The following PNPLA1 variants were observed in gnomAD, a reference collection of about 807,000 sequenced individuals.
PNPLA1 encodes patatin like domain 1, omega-hydroxyceramide transacylase.
Under a neutral mutation model 51.7 loss-of-function variants are expected in PNPLA1, and 36 were observed. That is an observed-to-expected ratio of 0.70 (90% CI 0.53 to 0.92). PNPLA1 has a LOEUF of 0.92. Among genes scored for constraint, PNPLA1 ranks in the 40% least tolerant of loss-of-function variants. PNPLA1 has a pLI of 0.00. For synonymous variants in PNPLA1, 293 were observed against 280.1 expected (o/e 1.05, Z -0.46); for missense variants, 658 against 682.5 (o/e 0.96, Z 0.40).
At chr6:36,256,866 T>C (rs1769545156) in intron 1 of PNPLA1, among the ~76,000 whole-genome samples, 1 of 152,104 alleles carries the variant, frequency 6.6e-6, no homozygotes, top group Non-Finnish European at 1.5e-5. Flanking sequence ...CCCACAAAGC[T>C]TGAAACTCAA....
chr6:36,245,455 T>G (rs1034219172), intron 1 of PNPLA1, among the ~76,000 whole-genome samples: 1 of 152,246 alleles, frequency 6.6e-6, no homozygotes, highest in African/African-American at 2.4e-5. Context: ...GCTAGCTAGG[T>G]GCCTGGAACT....
chr6:36,243,306 G>A (rs1472026062), intron 1 of PNPLA1: 1 of 152,260 alleles, frequency 6.6e-6, no homozygotes, highest in Non-Finnish European at 1.5e-5. Flanking sequence ...TGAATGCATG[G>A]TGGGGGGTGG....
At chr6:36,282,229 GGAAGGAAAGAAAGAAA>G (rs1393793055) in intron 1 of PNPLA1, among the ~76,000 whole-genome samples, 1 of 139,692 alleles carries the variant, frequency 7.2e-6, no homozygotes, top group Non-Finnish European at 1.6e-5. Flanking sequence ...AAGGAAGGAA[GGAAGGAAAGAAAGAAA>G]GAAGGAAAGA....
chr6:36,270,484 G>T lies in PNPLA1; in HGVS notation c.25G>T (p.Asp9Tyr). MEEQVFKG[D>Y]PDTPHSISFS... ...GATGGAAGAACAGGTGTTCAAGGGG[G>T]ACCCGGACACCCCTCACTCCATCTC... The change falls in exon 1 of 9, where the codon GAC becomes TAC. Residue 9 changes from aspartate to tyrosine, a missense_variant. Physicochemically the swap from Asp to Tyr is radical, Grantham distance 160 (BLOSUM62 -3). Coordinates refer to ENST00000636260, the MANE Select transcript of PNPLA1 (RefSeq NM_001374623.1). The T allele has an allele frequency of 6.4e-7, 1 of 1,551,420 alleles. No individual in the cohort carries two copies. Among genetic ancestry groups the T allele is most frequent in the South Asian group, 1.2e-5 (1 of 84,066 alleles).
intron 1 of PNPLA1, among the ~76,000 whole-genome samples, chr6:36,251,576 G>T (rs1168293215): frequency 2.6e-5 from 4 of 152,148 alleles, no homozygotes; most frequent in Non-Finnish European, 5.9e-5. Context: ...GCCAGTGAAG[G>T]TTCAGTTGAT....
At chr6:36,284,089 G>A (rs933111384) in intron 1 of PNPLA1, among the ~76,000 whole-genome samples, 2 of 152,190 alleles carry the variant, frequency 1.3e-5, no homozygotes, top group Non-Finnish European at 2.9e-5. Flanking sequence ...GTTGGAGGTT[G>A]TGCCTGGATT....
At chr6:36,248,524 A>ATT (rs201638655) in intron 1 of PNPLA1, among the ~76,000 whole-genome samples, 4 of 141,900 alleles carry the variant, frequency 2.8e-5, no homozygotes, top group Non-Finnish European at 6.2e-5. Flanking sequence ...ATAACTTCTC[A>ATT]TTTTTTTTTT....
At chr6:36,257,803 C>T (rs1769561957) in intron 1 of PNPLA1, among the ~76,000 whole-genome samples, 1 of 152,162 alleles carries the variant, frequency 6.6e-6, no homozygotes, top group Non-Finnish European at 1.5e-5. Flanking sequence ...TTTCCTGCTT[C>T]TAATGTCAAG....
chr6:36,294,192 G>T lies in PNPLA1; in HGVS notation c.507G>T (p.Arg169Ser), dbSNP rs1486607458. 6 of 1,613,982 alleles carry T rather than the reference G, an allele frequency of 3.7e-6. No homozygotes were observed. In the African/African-American group the frequency reaches 4.0e-5, roughly 11 times the overall value. Residue 169 changes from arginine (R) to serine (S), a missense_variant and splice_region_variant, in exon 4 of 9, where the codon AGG (arginine) becomes AGT (serine). Transcript: ENST00000636260. This position sits in a 1 kb window ranked among gnomAD's most constrained non-coding sequence, Gnocchi z 4.2. ...GLIPPTYRGV[R>S]YIDGGFTGMQ... ...CATTTCTCACTCTGCCCCCACAGAG[G>T]TACATCGATGGGGGCTTCACGGGCA... is the stretch of plus-strand genomic sequence containing the variant.
chr6:36,306,385 C>T lies in PNPLA1; in HGVS notation c.1469+9C>T. ...AGCAAGCCTTATGTAACGTAAGTTT[C>T]CCCTTCGTGGAGCACGCTCTTTCCT... On this transcript the variant is annotated intron_variant, in intron 7 of 8. Transcript: ENST00000636260. 1.9e-6 allele frequency: 3 copies of T among 1,605,296 alleles called. No individual in the cohort carries two copies. The highest frequency in any genetic ancestry group is 2.6e-6 in the Non-Finnish European group (3 of 1,175,606).
intron 1 of PNPLA1, among the ~76,000 whole-genome samples, chr6:36,286,716 T>C (rs1328236163): frequency 6.6e-6 from 1 of 152,220 alleles, no homozygotes; most frequent in African/African-American, 2.4e-5. Flanking sequence ...TCTCACTCTG[T>C]CATCCAGGCT....
intron 5 of PNPLA1, among the ~76,000 whole-genome samples, chr6:36,296,955 G>A (rs1209733467): frequency 1.3e-5 from 2 of 152,138 alleles, no homozygotes; most frequent in Non-Finnish European, 2.9e-5. Context: ...GGGCCTTATG[G>A]TTTTATTTTG....
At chr6:36,254,582 C>CA (rs11313429) in intron 1 of PNPLA1, among the ~76,000 whole-genome samples, 5,286 of 140,556 alleles carry the variant, frequency 0.038, 139 homozygotes, top group Middle Eastern at 0.092. Flanking sequence ...CTCAAACAAA[C>CA]AAAAAAAAAA....
At chr6:36,307,480 T>G in intron 7 of PNPLA1, 107 bp from the exon 8 acceptor site, 3 of 1,308,288 alleles carry the variant, frequency 2.3e-6, no homozygotes, top group Non-Finnish European at 3.1e-6. Flanking sequence ...CAGCCAGGGT[T>G]GAGAACCACA....
chr6:36,274,979 T>C (rs1020062384), intron 1 of PNPLA1, among the ~76,000 whole-genome samples: 1 of 152,238 alleles, frequency 6.6e-6, no homozygotes, highest in African/African-American at 2.4e-5. Flanking sequence ...TTTCCCACTC[T>C]ATTTCTTGTA....
chr6:36,301,161 C>A (rs1472017277), intron 5 of PNPLA1, among the ~76,000 whole-genome samples: 1 of 124,230 alleles, frequency 8.0e-6, no homozygotes, highest in Non-Finnish European at 1.6e-5. Context: ...CACTCTGTCA[C>A]CCAAGCTGGA....
chr6:36,293,151 G>T, intron 3 of PNPLA1, 25 bp downstream of exon 3: 1 of 1,610,024 alleles, frequency 6.2e-7, no homozygotes, highest in Non-Finnish European at 8.5e-7. Flanking sequence ...ATGGTGAGGG[G>T]TGAGATGGGA....
intron 5 of PNPLA1, among the ~76,000 whole-genome samples, chr6:36,295,896 A>G (rs75580218): frequency 2.6e-5 from 4 of 152,320 alleles, no homozygotes; most frequent in East Asian, 1.9e-4. Context: ...CCCTTGCCCT[A>G]TGTAGGTTTG....
chr6:36,296,851 G>A (rs1770873049), intron 5 of PNPLA1, among the ~76,000 whole-genome samples: 1 of 152,128 alleles, frequency 6.6e-6, no homozygotes, highest in African/African-American at 2.4e-5. Context: ...GTAAAAAAAA[G>A]GGGGTTTAGA....
Sources: allele counts gnomAD v4.1 joint callset (sites outside exome capture counted in the v4.1 genomes callset), GRCh38; gene constraint gnomAD v4.1.1; non-coding constraint Gnocchi (gnomAD v3.1); transcripts MANE v1.5; gene names NCBI Gene and HGNC (gene_info 2026-07-23, HGNC 2026-07-21).